The following DLGAP4 variants were observed in gnomAD, a reference collection of about 807,000 sequenced individuals.
The protein encoded by DLGAP4 is disks large-associated protein 4.
In DLGAP4, 18 loss-of-function variants were observed where a neutral mutation model predicts 86.9. That is an observed-to-expected ratio of 0.21 (90% CI 0.14 to 0.31). DLGAP4 has a LOEUF of 0.31. Ranked by LOEUF, DLGAP4 falls within the 10% of genes least tolerant of loss-of-function variation. DLGAP4 has a pLI of 1.00. For synonymous variants in DLGAP4, 548 were observed against 574.3 expected, an observed-to-expected ratio of 0.95 and a Z score of 0.65; for missense variants, 1,085 against 1,362.6, an observed-to-expected ratio of 0.80 and a Z score of 3.21.
intron 2 of DLGAP4, among the ~76,000 whole-genome samples, chr20:36,397,600 C>T (rs987642098): frequency 2.6e-5 from 4 of 151,672 alleles, no homozygotes; most frequent in Non-Finnish European, 5.9e-5. Flanking sequence ...GAAGACTATA[C>T]GTCTCTAGAT....
chr20:36,331,119 G>T (rs782403177), intron 1 of DLGAP4, among the ~76,000 whole-genome samples: 1 of 152,232 alleles, frequency 6.6e-6, no homozygotes, highest in South Asian at 2.1e-4. Flanking sequence ...ATTTCCCTGG[G>T]CCTTGGCTTC....
chr20:36,364,226 C>CA (rs1208123458), intron 1 of DLGAP4, among the ~76,000 whole-genome samples: 1 of 151,974 alleles, frequency 6.6e-6, no homozygotes, highest in East Asian at 1.9e-4. Flanking sequence ...GCCTGGGCAA[C>CA]ATAATGAGAT....
chr20:36,408,731 CTTA>C (rs2032398176), intron 2 of DLGAP4, among the ~76,000 whole-genome samples: 2 of 152,300 alleles, frequency 1.3e-5, no homozygotes, highest in South Asian at 4.1e-4. Flanking sequence ...GAGCCTGCAG[CTTA>C]TTATATTTTA....
intron 10 of DLGAP4, chr20:36,508,959 TG>T (rs1347824190): frequency 6.6e-6 from 1 of 152,270 alleles, no homozygotes; most frequent in African/African-American, 2.4e-5. Flanking sequence ...TTGATCTTGT[TG>T]GACTTTAAAT....
At chr20:36,417,872 CCTCCCAAGTTCAAG>C (rs2032707115) in intron 2 of DLGAP4, among the ~76,000 whole-genome samples, 1 of 152,074 alleles carries the variant, frequency 6.6e-6, no homozygotes, top group Admixed American at 6.6e-5. Flanking sequence ...GAAACCTCCA[CCTCCCAAGTTCAAG>C]CGATTCTCCT....
intron 1 of DLGAP4, among the ~76,000 whole-genome samples, chr20:36,317,327 T>TC (rs1200252204): frequency 3.1e-3 from 1 of 318 alleles, no homozygotes; most frequent in Non-Finnish European, 0.028. Flanking sequence ...CTTCCTTCCT[T>TC]CCTCTTTCTC....
chr20:36,458,020 G>A (rs529779633), intron 7 of DLGAP4, among the ~76,000 whole-genome samples: 16 of 152,298 alleles, frequency 1.1e-4, no homozygotes, highest in African/African-American at 2.6e-4. Flanking sequence ...CCCTGAGGCA[G>A]GAGGTGCCTG....
At chr20:36,348,965 T>C (rs1410856235) in intron 1 of DLGAP4, among the ~76,000 whole-genome samples, 4 of 150,552 alleles carry the variant, frequency 2.7e-5, no homozygotes, top group African/African-American at 7.3e-5. Context: ...TAGCTGGGTG[T>C]GGTGGTGTGC....
At chr20:36,377,811 G>T (rs746841899) in intron 2 of DLGAP4, among the ~76,000 whole-genome samples, 1 of 152,150 alleles carries the variant, frequency 6.6e-6, no homozygotes, top group Non-Finnish European at 1.5e-5. Flanking sequence ...AACTCTCCCC[G>T]CGTTCCTCCA....
chr20:36,442,638 G>C (rs1158044125), intron 5 of DLGAP4, 89 bp from the exon 6 acceptor site: 2 of 1,462,592 alleles, frequency 1.4e-6, no homozygotes, highest in East Asian at 2.3e-5. Context: ...AGACCAGCCA[G>C]CTTCAAGTTT....
chr20:36,458,767 G>A (rs1458582856), intron 7 of DLGAP4, among the ~76,000 whole-genome samples: 30 of 152,144 alleles, frequency 2.0e-4, no homozygotes, highest in Non-Finnish European at 1.5e-5. Context: ...CGTTTGAGGG[G>A]CGAGAAGTGG....
Position 36,432,327 on chromosome 20 carries a change from T to C in DLGAP4, c.610T>C (p.Trp204Arg). ...GCGCAGCCGCTCCAACATCTCAGGC[T>C]GGTGGAGCTCCGATGACAACTTGGA... ...KRRSRSNISGWWSSDDNLDGE... is the reference protein window; with the variant it reads ...KRRSRSNISGRWSSDDNLDGE... Residue 204 changes from tryptophan to arginine, a missense_variant, in exon 3 of 13, where the codon TGG (tryptophan) becomes CGG (arginine). By Grantham distance (101) the Trp-to-Arg change is moderately radical (BLOSUM62 -3). Transcript: ENST00000339266. The surrounding 1 kb of genome is among the most constrained non-coding windows in gnomAD (Gnocchi z 6.5). The C allele has an allele frequency of 6.2e-7, 1 of 1,613,756 alleles. No individual in the cohort carries two copies. Among genetic ancestry groups the C allele is most frequent in the Non-Finnish European group, 8.5e-7 (1 of 1,179,894 alleles).
chr20:36,331,160 C>T (rs985314668), intron 1 of DLGAP4, among the ~76,000 whole-genome samples: 7 of 152,190 alleles, frequency 4.6e-5, no homozygotes, highest in Admixed American at 2.0e-4. Context: ...GCTACTTCCA[C>T]GTGGTGAGAA....
chr20:36,366,403 C>G (rs995755065), intron 1 of DLGAP4, among the ~76,000 whole-genome samples: 5 of 152,156 alleles, frequency 3.3e-5, no homozygotes, highest in African/African-American at 1.2e-4. Flanking sequence ...GCAGTGACAC[C>G]TGTTCAGGGG....
intron 1 of DLGAP4, among the ~76,000 whole-genome samples, chr20:36,325,820 C>T (rs150336341): frequency 0.029 from 4,460 of 151,682 alleles, 91 homozygotes; most frequent in Non-Finnish European, 0.043. Flanking sequence ...CGGGTTCAAG[C>T]GATTCTCTTG....
intron 1 of DLGAP4, among the ~76,000 whole-genome samples, chr20:36,326,817 T>A (rs1238570392): frequency 1.3e-5 from 2 of 152,084 alleles, no homozygotes; most frequent in African/African-American, 2.4e-5. Flanking sequence ...CTTCATTTTT[T>A]TAAGTTATTT....
chr20:36,416,196 A>G (rs2032648722), intron 2 of DLGAP4, among the ~76,000 whole-genome samples: 1 of 152,146 alleles, frequency 6.6e-6, no homozygotes, highest in Admixed American at 6.5e-5. Context: ...ATCTTGGCTC[A>G]CTGCAACCTC....
intron 2 of DLGAP4, among the ~76,000 whole-genome samples, chr20:36,400,576 TAA>T (rs1223006030): frequency 1.3e-5 from 2 of 151,346 alleles, no homozygotes; most frequent in African/African-American, 4.9e-5. Flanking sequence ...ATATTTTCTA[TAA>T]AAATGGCATT....
At chr20:36,473,991 T>A (rs1404656254) in intron 7 of DLGAP4, among the ~76,000 whole-genome samples, 2 of 152,248 alleles carry the variant, frequency 1.3e-5, no homozygotes, top group African/African-American at 4.8e-5. Flanking sequence ...ACTTAACCTC[T>A]CTGGGCTTGT....
Sources: gnomAD v4.1 joint callset for allele counts (sites outside exome capture counted in the v4.1 genomes callset) on GRCh38, gnomAD v4.1.1 for gene constraint, Gnocchi (gnomAD v3.1) non-coding constraint, MANE v1.5 for transcripts, NCBI Gene and HGNC (gene_info 2026-07-23, HGNC 2026-07-21) for gene names.